TJP3: variants seen among roughly 807,000 people sequenced by gnomAD.
TJP3 encodes the protein tight junction protein ZO-3.
TJP3 carries 85 observed loss-of-function variants against 104.2 expected under a neutral mutation model. That is an observed-to-expected ratio of 0.82 (90% CI 0.68 to 0.98). TJP3 has a LOEUF of 0.98. Among genes scored for constraint, TJP3 ranks in the 50% least tolerant of loss-of-function variants. The probability of loss-of-function intolerance (pLI) is 0.00; values close to 1 mark genes in which losing one functional copy is unlikely to be tolerated. For missense variants in TJP3, 1,367 were observed against 1,322.8 expected, an observed-to-expected ratio of 1.03 and a Z score of -0.52; for synonymous variants, 550 against 550.6, an observed-to-expected ratio of 1.00 and a Z score of 0.02.
chr19:3,749,979 C>T (rs1325292617), intron 19 of TJP3, among the ~76,000 whole-genome samples, 159 bp from the exon 20 acceptor site: 1 of 152,106 alleles, frequency 6.6e-6, no homozygotes, highest in Non-Finnish European at 1.5e-5. Context: ...CCTCAGTTTT[C>T]TCATTTAGAT....
chr19:3,749,127 C>CA (rs1355682697), intron 19 of TJP3, among the ~76,000 whole-genome samples: 2 of 151,624 alleles, frequency 1.3e-5, no homozygotes, highest in African/African-American at 2.4e-5. Flanking sequence ...GTCGGCCTCT[C>CA]AGAGTGTTGG....
Position 3,730,262 on chromosome 19 carries a change from G to C in TJP3, c.262-93G>C. 4 of 1,482,498 alleles carry C rather than the reference G, an allele frequency of 2.7e-6. No individual in the cohort carries two copies. Among genetic ancestry groups the C allele is most frequent in the South Asian group, 2.5e-5 (2 of 80,796 alleles). The allele number at this position is 1,482,498 out of a possible 1,614,324, so 91.8% of individuals were successfully genotyped here. A position where few individuals can be genotyped will look rare whatever the true frequency, so the allele number is the denominator to read the frequency against. On this transcript the variant is annotated intron_variant, in intron 4 of 20. Transcript: ENST00000541714. This position sits in a 1 kb window ranked among gnomAD's most constrained non-coding sequence, Gnocchi z 7.3. ...CAGTTTGGACATTGAGGCCCAGAGA[G>C]AGACTGGTGTCCCCCAGGGCCACCC...
chr19:3,726,880 G>A (rs2036601895), intron 1 of TJP3, among the ~76,000 whole-genome samples: 1 of 151,768 alleles, frequency 6.6e-6, no homozygotes, highest in African/African-American at 2.4e-5. Context: ...GAGCCTAGGA[G>A]TTTGAGACCA....
rs976789118 is a variant in TJP3 at position 3,750,796 on chromosome 19, CAG to C, written c.*115_*116del. The C allele has an allele frequency of 1.6e-5, 17 of 1,074,108 alleles. No homozygotes were observed. The Admixed American group carries it at 3.3e-4, about 21-fold the overall frequency. 66.5% of individuals were successfully genotyped at this position (1,074,108 alleles called of 1,614,324 possible). On this transcript the variant is annotated 3_prime_UTR_variant, in exon 21 of 21. Coordinates refer to ENST00000541714, the MANE Select transcript of TJP3 (RefSeq NM_001267560.2). ...CTCCCTCCGCCTGGTCTTTAATAAA[CAG>C]AGTATTTTCACAGCACCGGCTTCTA...
At chr19:3,720,838 G>A (rs1406536681) in intron 1 of TJP3, among the ~76,000 whole-genome samples, 2 of 150,918 alleles carry the variant, frequency 1.3e-5, no homozygotes, top group East Asian at 3.9e-4. Context: ...CTCCTGCCTT[G>A]CACTCTGCCC....
chr19:3,728,384 G>A (rs1205979748), intron 1 of TJP3, 40 bp from the exon 2 acceptor site: 1 of 1,613,938 alleles, frequency 6.2e-7, no homozygotes, highest in Admixed American at 1.7e-5. Context: ...AGATGAACCT[G>A]TGTGGCCTCA....
chr19:3,718,716 G>A (rs543757242), intron 1 of TJP3, among the ~76,000 whole-genome samples: 12 of 151,122 alleles, frequency 7.9e-5, no homozygotes, highest in Admixed American at 1.3e-4. Context: ...TGATCTGCCC[G>A]AATGCAGGAT....
rs1477194559 is a variant in TJP3 at position 3,733,764 on chromosome 19, G to T, written c.729G>T (p.Val243=). ...CTGGTCCCTTTCAGATCAACGGGGT[G>T]TCTAGCCAGAACCTGTCACTGAACG... ...EGDLILQING[V]SSQNLSLNDT... The change falls in exon 7 of 21, where the codon GTG becomes GTT. Residue 243 remains valine, a synonymous_variant. Coordinates refer to ENST00000541714, the MANE Select transcript of TJP3 (RefSeq NM_001267560.2). 6.2e-7 allele frequency: 1 copy of T among 1,614,174 alleles called. No homozygotes were observed. The highest frequency in any genetic ancestry group is 8.5e-7 in the Non-Finnish European group (1 of 1,180,018).
At position 3,730,177 on chromosome 19, in the gene TJP3, G is replaced by A. The variant is rs754042605; in HGVS notation, c.261+47G>A. ...TGGCCAGCATCTCTGACCCCAGCCT[G>A]GGTCGTGCCGCTGTGGGGGTTGTAA... On this transcript the variant is annotated intron_variant, in intron 4 of 20. Transcript: ENST00000541714. The surrounding 1 kb of genome is among the most constrained non-coding windows in gnomAD (Gnocchi z 7.3). The A allele has an allele frequency of 4.4e-6, 7 of 1,591,878 alleles. No homozygotes were observed. The Admixed American group carries it at 1.0e-4, about 23-fold the overall frequency.
At chr19:3,739,214 G>A in intron 13 of TJP3, 80 bp downstream of exon 13, 1 of 1,335,304 alleles carries the variant, frequency 7.5e-7, no homozygotes, top group Admixed American at 2.4e-5. Context: ...CGATTGGGCT[G>A]GACGCGGTGG....
chr19:3,740,749 TG>T lies in TJP3; in HGVS notation c.1831del (p.Val611CysfsTer11). On this transcript the variant is annotated frameshift_variant, in exon 14 of 21. Coordinates refer to ENST00000541714, the MANE Select transcript of TJP3 (RefSeq NM_001267560.2). LOFTEE classifies it high-confidence loss of function. ...RQGRYPPYERVVLREASFKRP... is the reference protein window; with the variant it reads ...RQGRYPPYERXVLREASFKRP... ...GGCCGCTACCCGCCCTACGAACGAG[TG>T]GTGTTGCGAGAAGGTGGGGCCCGGA... 1 of 1,580,576 alleles carries T rather than the reference TG, an allele frequency of 6.3e-7. No individual in the cohort carries two copies. The highest frequency in any genetic ancestry group is 1.8e-5 in the Admixed American group (1 of 54,392).
intron 14 of TJP3, chr19:3,743,719 A>T (rs1251479242): frequency 2.0e-6 from 1 of 504,794 alleles, no homozygotes; most frequent in Non-Finnish European, 3.5e-6. Flanking sequence ...GAACCCAGAA[A>T]TGTACACATC....
chr19:3,713,661 A>G (rs1196587428), intron 1 of TJP3, among the ~76,000 whole-genome samples: 1 of 152,142 alleles, frequency 6.6e-6, no homozygotes, highest in East Asian at 1.9e-4. Context: ...TGGGTGTATA[A>G]AGGAATTCTC....
At chr19:3,738,503 A>C (rs2036767507) in intron 11 of TJP3, 52 bp from the exon 12 acceptor site, 1 of 1,509,242 alleles carries the variant, frequency 6.6e-7, no homozygotes, top group African/African-American at 1.4e-5. Context: ...GATCTCATGC[A>C]CGCCCAAGAG....
intron 9 of TJP3, 44 bp downstream of exon 9, chr19:3,735,683 C>T: frequency 1.2e-6 from 2 of 1,611,196 alleles, no homozygotes; most frequent in Non-Finnish European, 8.5e-7. Context: ...CATTTCTGAT[C>T]CCTGACAGCA....
rs2036736315 is a variant in TJP3 at position 3,736,173 on chromosome 19, C to G, written c.1136C>G (p.Pro379Arg). 2.4e-5 allele frequency: 38 copies of G among 1,591,974 alleles called. No individual in the cohort carries two copies. Among genetic ancestry groups the G allele is most frequent in the Non-Finnish European group, 3.0e-5 (35 of 1,169,290 alleles). ...SQSMEDRGYS[P>R]DTRVVRFLKG... Reference sequence around the variant, plus strand: ...TCTGCCTCCCCTTGCAGGTACAGCCCCGACACGCGTGTGGTCCGCTTCCTC... The same window carrying G: ...TCTGCCTCCCCTTGCAGGTACAGCCGCGACACGCGTGTGGTCCGCTTCCTC... Residue 379 changes from proline to arginine, a missense_variant, in exon 11 of 21, where the codon CCC becomes CGC. Physicochemically the swap from Pro to Arg is moderately radical, Grantham distance 103. Transcript: ENST00000541714.
In TJP3 at chr19:3,748,016, G is replaced by T. The variant is rs536563927; in HGVS notation, c.2545G>T (p.Val849Leu). The change falls in exon 19 of 21, where the codon GTG becomes TTG. Residue 849 changes from valine (V) to leucine (L), a missense_variant. By Grantham distance (32) the Val-to-Leu change is conservative. Transcript: ENST00000541714. ...AGCCCTGGCCCGGTCCTCGGAGCCC[G>T]TGCAGGCAGATGAGTCCCAGAGCCC... The part of the protein sequence containing the change: ...APALARSSEP[V>L]QADESQSPRD... 104 of 1,606,210 alleles carry T rather than the reference G, an allele frequency of 6.5e-5. 1 individual carries two copies. The South Asian group carries it at 1.1e-3, about 17-fold the overall frequency.
At chr19:3,741,477 A>C (rs1313644793) in intron 14 of TJP3, among the ~76,000 whole-genome samples, 1 of 150,170 alleles carries the variant, frequency 6.7e-6, no homozygotes, top group Non-Finnish European at 1.5e-5. Context: ...AGTACAAAAA[A>C]TTAGCTGGGC....
chr19:3,714,702 C>T (rs1243960489), intron 1 of TJP3, among the ~76,000 whole-genome samples: 1 of 152,004 alleles, frequency 6.6e-6, no homozygotes, highest in Non-Finnish European at 1.5e-5. Flanking sequence ...GGTCAGAGTT[C>T]GAGACCATCC....
Sources: allele counts gnomAD v4.1 joint callset (sites outside exome capture counted in the v4.1 genomes callset), GRCh38; gene constraint gnomAD v4.1.1; non-coding constraint Gnocchi (gnomAD v3.1); transcripts MANE v1.5; gene names NCBI Gene and HGNC (gene_info 2026-07-23, HGNC 2026-07-21).